INSL6: variants seen among roughly 807,000 people sequenced by gnomAD.
The protein encoded by INSL6 is insulin-like peptide INSL6.
Under a neutral mutation model 9.4 loss-of-function variants are expected in INSL6, and 16 were observed. That is an observed-to-expected ratio of 1.70 (90% confidence interval 1.15 to 2.59). The LOEUF (loss-of-function observed/expected upper bound fraction) is 2.59, where lower values mean the gene tolerates loss of function less well. Ranked by LOEUF, INSL6 falls within the 30% of genes most tolerant of loss-of-function variation. INSL6 has a pLI of 0.00. For synonymous variants in INSL6, 154 were observed against 96.9 expected (o/e 1.59, Z -3.46); for missense variants, 391 against 257.3 (o/e 1.52, Z -3.56).
At chr9:5,113,943 C>A in the INSL6 span, 1 of 252,918 alleles carries the variant, frequency 4.0e-6, no homozygotes, top group Admixed American at 4.8e-5. Flanking sequence ...AGTTCCTGTG[C>A]CTCATCTCTG....
At chr9:5,168,345 C>G (rs1263088172) in intron 1 of INSL6, among the ~76,000 whole-genome samples, 1 of 152,134 alleles carries the variant, frequency 6.6e-6, no homozygotes, top group Admixed American at 6.6e-5. Flanking sequence ...ATTACAGGAG[C>G]TGTTAACAAG....
chr9:5,110,485 T>C, the INSL6 span: 2 of 153,392 alleles, frequency 1.3e-5, no homozygotes, highest in African/African-American at 4.8e-5. Flanking sequence ...ATATTATTTA[T>C]ATGCTCAGGC....
chr9:5,002,635 G>C, the INSL6 span, among the ~76,000 whole-genome samples: 2 of 151,912 alleles, frequency 1.3e-5, no homozygotes, highest in Non-Finnish European at 2.9e-5. Context: ...GTAAATGTCA[G>C]TTATATTTAG....
the INSL6 span, among the ~76,000 whole-genome samples, chr9:5,030,784 A>G: frequency 2.6e-5 from 4 of 152,154 alleles, no homozygotes; most frequent in Admixed American, 2.0e-4. Flanking sequence ...TATTCTATAT[A>G]AAAATATGCA....
chr9:5,062,058 G>A, the INSL6 span, among the ~76,000 whole-genome samples: 1 of 152,130 alleles, frequency 6.6e-6, no homozygotes, highest in African/African-American at 2.4e-5. Flanking sequence ...GGCCCAGTGT[G>A]TGGTGCCCCA....
At chr9:5,084,144 C>T in the INSL6 span, among the ~76,000 whole-genome samples, 1 of 151,962 alleles carries the variant, frequency 6.6e-6, no homozygotes, top group Non-Finnish European at 1.5e-5. Context: ...CTAAGGAAGG[C>T]GTTTTCAAAA....
At chr9:5,135,654 C>T (rs1824375283) in intron 2 of INSL6, among the ~76,000 whole-genome samples, 2 of 151,962 alleles carry the variant, frequency 1.3e-5, no homozygotes, top group African/African-American at 2.4e-5. Context: ...GCACTAAGTG[C>T]CCACAAGAGA....
Position 5,144,032 on chromosome 9 carries a change from G to C in INSL6, c.377-10440C>G, listed in dbSNP as rs12346553. 1.7e-3 allele frequency among the ~76,000 whole-genome samples: 266 copies of C among 152,202 alleles called. 1 individual carries two copies. The highest frequency in any genetic ancestry group is 6.1e-3 in the African/African-American group (253 of 41,536). ...TTAGCTCTGATTTTGGTTATTTCTT[G>C]TCTTCTGCTAGCTTTGGAATTTGTT... On this transcript the variant is annotated intron_variant, in intron 2 of 3. Coordinates refer to the INSL6 transcript ENST00000649639.
chr9:5,129,314 C>T (rs187576502), intron 3 of INSL6, among the ~76,000 whole-genome samples: 1 of 152,074 alleles, frequency 6.6e-6, no homozygotes, highest in Non-Finnish European at 1.5e-5. Context: ...TGCATTTTTA[C>T]CTAACCAAGG....
the INSL6 span, among the ~76,000 whole-genome samples, chr9:5,036,308 C>G: frequency 2.6e-5 from 4 of 152,172 alleles, no homozygotes; most frequent in Non-Finnish European, 5.9e-5. Flanking sequence ...TGCCCAAAGT[C>G]CTTTATGGAT....
chr9:5,185,140 A>G (rs1170776820), intron 1 of INSL6, among the ~76,000 whole-genome samples, 174 bp downstream of exon 1: 4 of 152,198 alleles, frequency 2.6e-5, no homozygotes, highest in Non-Finnish European at 5.9e-5. Flanking sequence ...TAAAAAAAAA[A>G]GCGCTTCATT....
chr9:5,161,391 A>C (rs1824922834), downstream of INSL6, among the ~76,000 whole-genome samples: 1 of 152,242 alleles, frequency 6.6e-6, no homozygotes, highest in Non-Finnish European at 1.5e-5. Flanking sequence ...TCTCATGCTA[A>C]AACCCCTCAA....
the INSL6 span, among the ~76,000 whole-genome samples, chr9:4,992,239 G>C: frequency 2.0e-5 from 3 of 152,308 alleles, no homozygotes; most frequent in African/African-American, 7.2e-5. Flanking sequence ...ATGTGGCCTG[G>C]ATTTCCTCAC....
the INSL6 span, among the ~76,000 whole-genome samples, chr9:5,034,074 A>C: frequency 4.5e-4 from 68 of 152,338 alleles, 1 homozygote; most frequent in East Asian, 0.013. Flanking sequence ...AAACAAAAAA[A>C]GGCAGGGATT....
chr9:5,092,885 A>C, the INSL6 span, among the ~76,000 whole-genome samples: 1 of 152,166 alleles, frequency 6.6e-6, no homozygotes, highest in South Asian at 2.1e-4. Flanking sequence ...TTTAACTGTT[A>C]ATCTAAAGAG....
At chr9:5,044,712 CTATTT>C in the INSL6 span, among the ~76,000 whole-genome samples, 3,664 of 152,232 alleles carry the variant, frequency 0.024, 167 homozygotes, top group African/African-American at 0.085. Flanking sequence ...ATAATAGAAT[CTATTT>C]TATAAAGTTT....
chr9:5,041,781 C>T, the INSL6 span: 8 of 487,590 alleles, frequency 1.6e-5, no homozygotes, highest in African/African-American at 1.6e-4. Flanking sequence ...CTCCCAGCCT[C>T]AGCTTCGGGA....
At chr9:5,067,298 C>T in the INSL6 span, among the ~76,000 whole-genome samples, 93,772 of 151,828 alleles carry the variant, frequency 0.62, 30,896 homozygotes, top group African/African-American at 0.86. Flanking sequence ...ATGCATGTTT[C>T]AACGGTAAAA....
At chr9:5,117,640 T>G in the INSL6 span, among the ~76,000 whole-genome samples, 1 of 151,870 alleles carries the variant, frequency 6.6e-6, no homozygotes, top group East Asian at 1.9e-4. Flanking sequence ...ACATTACTTA[T>G]GTTAACAGGT....
Sources: allele counts gnomAD v4.1 joint callset (sites outside exome capture counted in the v4.1 genomes callset), GRCh38; gene constraint gnomAD v4.1.1; transcripts MANE v1.5; gene names NCBI Gene and HGNC (gene_info 2026-07-23, HGNC 2026-07-21).